Variants in CFAP263 observed in about 807,000 individuals in gnomAD.
The protein encoded by CFAP263 is cilia- and flagella-associated protein 263.
At chr16:58,260,617 G>A in the CFAP263 span, among the ~76,000 whole-genome samples, 4 of 152,170 alleles carry the variant, frequency 2.6e-5, no homozygotes, top group Non-Finnish European at 5.9e-5. Flanking sequence ...GCCATCAGCT[G>A]ACCCTAATGG....
chr16:58,252,457 C>G, the CFAP263 span, among the ~76,000 whole-genome samples: 1 of 152,050 alleles, frequency 6.6e-6, no homozygotes, highest in Non-Finnish European at 1.5e-5. Flanking sequence ...CAATGTAATA[C>G]TAGTGTTCTG....
At chr16:58,262,506 C>T in the CFAP263 span, 11 of 1,611,946 alleles carry the variant, frequency 6.8e-6, no homozygotes, top group Non-Finnish European at 9.3e-6. Context: ...AAGCTGTCAT[C>T]TGGAAACACT....
chr16:58,254,263 A>G, the CFAP263 span: 3 of 1,250,238 alleles, frequency 2.4e-6, no homozygotes, highest in Non-Finnish European at 3.4e-6. Flanking sequence ...GCTTTGGAAG[A>G]AACACAGGTA....
At chr16:58,256,053 T>C in the CFAP263 span, among the ~76,000 whole-genome samples, 6 of 152,244 alleles carry the variant, frequency 3.9e-5, no homozygotes, top group Non-Finnish European at 2.9e-5. Context: ...GAAAAGTAGA[T>C]ACTTCTGTTC....
chr16:58,249,941 CG>C, the CFAP263 span: 1 of 999,076 alleles, frequency 1.0e-6, no homozygotes, highest in East Asian at 2.6e-5. Flanking sequence ...GCGTCGCAGC[CG>C]GAGTGACGCG....
chr16:58,262,491 A>T, the CFAP263 span: 1 of 1,611,942 alleles, frequency 6.2e-7, no homozygotes, highest in Non-Finnish European at 8.5e-7. Context: ...GAACTGACCC[A>T]GCTAAAGCTG....
At chr16:58,269,117 G>A in the CFAP263 span, among the ~76,000 whole-genome samples, 1 of 152,082 alleles carries the variant, frequency 6.6e-6, no homozygotes, top group Admixed American at 6.6e-5. Flanking sequence ...CACATCATTT[G>A]AGGTCAGGAG....
chr16:58,252,873 A>C, the CFAP263 span: 1 of 1,612,254 alleles, frequency 6.2e-7, no homozygotes, highest in Non-Finnish European at 8.5e-7. Flanking sequence ...GGAGATCTAG[A>C]TCATTCTTTT....
chr16:58,269,345 C>CA, the CFAP263 span, among the ~76,000 whole-genome samples: 287 of 100,994 alleles, frequency 2.8e-3, no homozygotes, highest in African/African-American at 0.011. Context: ...CAAAACAAAA[C>CA]AAAAAAAACT....
the CFAP263 span, chr16:58,282,082 C>G: frequency 6.7e-6 from 1 of 149,868 alleles, no homozygotes; most frequent in Admixed American, 6.7e-5. Context: ...GATCTCGGCT[C>G]GCTGCAACCT....
At chr16:58,271,505 C>T in the CFAP263 span, among the ~76,000 whole-genome samples, 1 of 152,156 alleles carries the variant, frequency 6.6e-6, no homozygotes, top group Non-Finnish European at 1.5e-5. Context: ...CAGGATCCCA[C>T]CCAGGATATC....
chr16:58,281,134 T>C, the CFAP263 span: 4 of 214,832 alleles, frequency 1.9e-5, no homozygotes, highest in African/African-American at 2.3e-5. Flanking sequence ...TCTGCCTTGC[T>C]TCAACCCTTA....
chr16:58,266,138 C>T, the CFAP263 span, among the ~76,000 whole-genome samples: 1 of 151,892 alleles, frequency 6.6e-6, no homozygotes, highest in Non-Finnish European at 1.5e-5. Context: ...AGAGAATGGC[C>T]CCTGGGTGCC....
chr16:58,277,151 G>C, the CFAP263 span, among the ~76,000 whole-genome samples: 1 of 150,728 alleles, frequency 6.6e-6, no homozygotes, highest in South Asian at 2.1e-4. Context: ...TTTTTTTTTA[G>C]ACAGTTTCGC....
At chr16:58,252,321 A>G in the CFAP263 span, among the ~76,000 whole-genome samples, 1 of 151,942 alleles carries the variant, frequency 6.6e-6, no homozygotes, top group Non-Finnish European at 1.5e-5. Flanking sequence ...AGTGAGTGCA[A>G]CAGAGTAAGA....
the CFAP263 span, among the ~76,000 whole-genome samples, chr16:58,272,424 C>T: frequency 1.3e-5 from 2 of 152,118 alleles, no homozygotes; most frequent in Non-Finnish European, 2.9e-5. Flanking sequence ...ATTGTGTGAA[C>T]ATTATAGAGT....
At chr16:58,261,925 G>C in the CFAP263 span, among the ~76,000 whole-genome samples, 1 of 152,134 alleles carries the variant, frequency 6.6e-6, no homozygotes, top group African/African-American at 2.4e-5. Context: ...TGGGCTGCTT[G>C]TCCTGGGTTT....
At chr16:58,258,498 A>G in the CFAP263 span, 1 of 1,614,144 alleles carries the variant, frequency 6.2e-7, no homozygotes, top group Non-Finnish European at 8.5e-7. Flanking sequence ...GTGATGAAAT[A>G]CATTGAGGAC....
the CFAP263 span, chr16:58,278,446 G>C: frequency 3.3e-5 from 53 of 1,603,224 alleles, no homozygotes; most frequent in Admixed American, 1.9e-4. Flanking sequence ...AGAGCTGCTG[G>C]GGTTCCCTGG....
Sources: allele counts gnomAD v4.1 joint callset (sites outside exome capture counted in the v4.1 genomes callset), GRCh38; gene constraint gnomAD v4.1.1; transcripts MANE v1.5; gene names NCBI Gene and HGNC (gene_info 2026-07-23, HGNC 2026-07-21).